The following CSRNP3 variants were observed in gnomAD, a reference collection of about 807,000 sequenced individuals.
CSRNP3 encodes cysteine/serine-rich nuclear protein 3.
Under a neutral mutation model 48.0 loss-of-function variants are expected in CSRNP3, and 12 were observed. That is an observed-to-expected ratio of 0.25 (90% CI 0.16 to 0.41). CSRNP3 has a LOEUF of 0.41. Ranked by LOEUF, CSRNP3 falls within the 10% of genes least tolerant of loss-of-function variation. The pLI, the probability that CSRNP3 is intolerant of heterozygous loss-of-function variation, is 1.00. For missense variants in CSRNP3, 580 were observed against 724.4 expected, an observed-to-expected ratio of 0.80 and a Z score of 2.29; for synonymous variants, 263 against 269.7, an observed-to-expected ratio of 0.98 and a Z score of 0.24.
intron 5 of CSRNP3, among the ~76,000 whole-genome samples, chr2:165,666,993 AAG>A (rs141905503): frequency 0.073 from 1,854 of 25,340 alleles, 59 homozygotes; most frequent in Non-Finnish European, 0.1. Flanking sequence ...GGAAGAAAGA[AAG>A]AGAGAGAGAG....
rs71393687 is a variant in CSRNP3, at chr2:165,668,401, C to CTTTTT, written c.409-7895_409-7891dup. 7.6e-3 allele frequency among the ~76,000 whole-genome samples: 851 copies of CTTTTT among 111,402 alleles called. 4 individuals carry two copies. The highest frequency in any genetic ancestry group is 9.5e-3 in the Non-Finnish European group (540 of 56,712). 73.1% of individuals were successfully genotyped at this position (111,402 alleles called of 152,430 possible). A position where few individuals can be genotyped will look rare whatever the true frequency, so the allele number is the denominator to read the frequency against. On this transcript the variant is annotated intron_variant, in intron 5 of 6. Transcript: ENST00000651982. ...AATCATATCCTTTCTTTCTTTCTTT[C>CTTTTT]TTTTTTTTTTTTTTTTTTTTGAGAC...
chr2:165,471,240 T>G (rs1255732332), intron 1 of CSRNP3, among the ~76,000 whole-genome samples: 1 of 152,028 alleles, frequency 6.6e-6, no homozygotes, highest in Non-Finnish European at 1.5e-5. Context: ...GATTTTGAAC[T>G]GTTTCTGGAT....
intron 1 of CSRNP3, among the ~76,000 whole-genome samples, chr2:165,470,347 A>G (rs1204999422): frequency 1.3e-5 from 2 of 152,144 alleles, no homozygotes; most frequent in Non-Finnish European, 2.9e-5. Flanking sequence ...TTATTCAGCA[A>G]ACTTTAAGCT....
At chr2:165,496,434 G>A (rs1434427155) in intron 2 of CSRNP3, among the ~76,000 whole-genome samples, 2 of 152,044 alleles carry the variant, frequency 1.3e-5, no homozygotes, top group African/African-American at 4.8e-5. Context: ...GCCTAGAAGA[G>A]TACTGAGCAC....
intron 1 of CSRNP3, among the ~76,000 whole-genome samples, chr2:165,491,568 A>G (rs1475109003): frequency 1.3e-4 from 1 of 7,954 alleles, no homozygotes; most frequent in Non-Finnish European, 2.4e-4. Context: ...CAACAATGAT[A>G]GACTGGATTA....
Position 165,688,568 on chromosome 2 carries a change from T to C in CSRNP3, c.*8815T>C, listed in dbSNP as rs1183668590. On this transcript the variant is annotated 3_prime_UTR_variant, in exon 7 of 7. Coordinates refer to ENST00000651982, the MANE Select transcript of CSRNP3 (RefSeq NM_001172173.2). ...TTTTGCAGTGTCTTCATCTTGATCA[T>C]AGTTTTAGACATCAACTATGTCTCA... 2.0e-5 allele frequency: 3 copies of C among 152,194 alleles called. No homozygotes were observed. Among genetic ancestry groups the C allele is most frequent in the Non-Finnish European group, 4.4e-5 (3 of 68,022 alleles). The allele number at this position is 152,194 out of a possible 1,614,324, so 9.4% of individuals were successfully genotyped here.
chr2:165,496,037 G>A (rs576232079), intron 2 of CSRNP3, among the ~76,000 whole-genome samples: 1 of 151,728 alleles, frequency 6.6e-6, no homozygotes, highest in Admixed American at 6.6e-5. Flanking sequence ...GTAGTTCTGT[G>A]ACCCGAGATC....
intron 3 of CSRNP3, among the ~76,000 whole-genome samples, chr2:165,569,254 T>C (rs2105272923): frequency 6.6e-6 from 1 of 152,184 alleles, no homozygotes; most frequent in South Asian, 2.1e-4. Flanking sequence ...TCCAGCCTCA[T>C]CAAGGGAGAA....
intron 3 of CSRNP3, among the ~76,000 whole-genome samples, chr2:165,592,409 C>T (rs1685732768): frequency 6.6e-6 from 1 of 152,106 alleles, no homozygotes; most frequent in African/African-American, 2.4e-5. Flanking sequence ...TGGAATGAGC[C>T]TAGACCTTAG....
chr2:165,628,674 A>T (rs1176641599), intron 4 of CSRNP3, among the ~76,000 whole-genome samples: 1 of 152,142 alleles, frequency 6.6e-6, no homozygotes, highest in East Asian at 1.9e-4. Context: ...CAGTGAGGCG[A>T]GATGGCGCCA....
At chr2:165,472,959 G>A (rs564151906) in intron 1 of CSRNP3, among the ~76,000 whole-genome samples, 11 of 152,174 alleles carry the variant, frequency 7.2e-5, no homozygotes, top group Non-Finnish European at 4.4e-5. Flanking sequence ...ATTAACACGA[G>A]CAAAGCACTT....
chr2:165,625,636 AAAAAG>A (rs1384705314), intron 4 of CSRNP3, among the ~76,000 whole-genome samples: 3 of 145,632 alleles, frequency 2.1e-5, no homozygotes, highest in Non-Finnish European at 4.4e-5. Context: ...TCTGTCAAAA[AAAAAG>A]AAAAGAAAAA....
chr2:165,630,244 G>T (rs913822216), intron 4 of CSRNP3, among the ~76,000 whole-genome samples: 17 of 152,292 alleles, frequency 1.1e-4, no homozygotes, highest in Admixed American at 7.8e-4. Flanking sequence ...AATCCTAAAA[G>T]TGTGTATGTG....
At chr2:165,507,724 A>G (rs570536591) in intron 2 of CSRNP3, among the ~76,000 whole-genome samples, 1 of 152,250 alleles carries the variant, frequency 6.6e-6, no homozygotes, top group African/African-American at 2.4e-5. Flanking sequence ...ACAACATGCA[A>G]TGCTTCTGGG....
At chr2:165,661,388 C>T (rs1488334115) in intron 5 of CSRNP3, among the ~76,000 whole-genome samples, 1 of 152,138 alleles carries the variant, frequency 6.6e-6, no homozygotes, top group Non-Finnish European at 1.5e-5. Flanking sequence ...CTTACATTGG[C>T]CTACCGGAGA....
chr2:165,685,123 C>G lies in CSRNP3; in HGVS notation c.*5370C>G. 1 of 152,020 alleles carries G rather than the reference C, an allele frequency of 6.6e-6. No individual in the cohort carries two copies. The highest frequency in any genetic ancestry group is 1.9e-4 in the East Asian group (1 of 5,190). The allele number at this position is 152,020 out of a possible 1,614,324, so 9.4% of individuals were successfully genotyped here. On this transcript the variant is annotated 3_prime_UTR_variant, in exon 7 of 7. Transcript: ENST00000651982. ...TTATATTAAAATAAGTGATCAATGACTTTCATGATTGTCAAAAGTAAAAAG... is the reference window on the plus strand; with the variant it reads ...TTATATTAAAATAAGTGATCAATGAGTTTCATGATTGTCAAAAGTAAAAAG...
At chr2:165,599,713 A>G (rs1277611675) in intron 4 of CSRNP3, among the ~76,000 whole-genome samples, 5 of 152,084 alleles carry the variant, frequency 3.3e-5, no homozygotes, top group Non-Finnish European at 7.4e-5. Context: ...GACATTTATT[A>G]TTTATTATGC....
chr2:165,604,333 T>C lies in CSRNP3; in HGVS notation c.148+9120T>C, dbSNP rs548539223. 7.2e-4 allele frequency among the ~76,000 whole-genome samples: 110 copies of C among 152,378 alleles called. 2 individuals carry two copies. The South Asian group carries it at 9.1e-3, about 13-fold the overall frequency. ...TGCTGGTTCAATTACTGTTAAATGC[T>C]TAATAACATTTAGCTTTGTAAAGTC... On this transcript the variant is annotated intron_variant, in intron 4 of 6. Transcript: ENST00000651982.
At chr2:165,564,431 A>C (rs1435318611) in intron 3 of CSRNP3, among the ~76,000 whole-genome samples, 1 of 152,100 alleles carries the variant, frequency 6.6e-6, no homozygotes, top group East Asian at 1.9e-4. Flanking sequence ...AAAATATAGA[A>C]AAAGCCAAAG....
Sources: allele counts gnomAD v4.1 joint callset (sites outside exome capture counted in the v4.1 genomes callset), GRCh38; gene constraint gnomAD v4.1.1; transcripts MANE v1.5; gene names NCBI Gene and HGNC (gene_info 2026-07-23, HGNC 2026-07-21).